The following CDH13 variants were observed in gnomAD, a reference collection of about 807,000 sequenced individuals.
CDH13 encodes cadherin-13.
CDH13 carries 24 observed loss-of-function variants against 63.8 expected under a neutral mutation model. That is an observed-to-expected ratio of 0.38 (90% CI 0.27 to 0.53). CDH13 has a LOEUF of 0.53. Among genes scored for constraint, CDH13 ranks in the 20% least tolerant of loss-of-function variants. The pLI is 0.85. For missense variants in CDH13, 1,049 were observed against 903.1 expected (o/e 1.16, Z -2.07); for synonymous variants, 503 against 355.3 (o/e 1.42, Z -4.67).
chr16:83,748,725 G>A (rs1178331450), intron 11 of CDH13, among the ~76,000 whole-genome samples: 1 of 152,168 alleles, frequency 6.6e-6, no homozygotes, highest in Non-Finnish European at 1.5e-5. Context: ...CAACCACAAA[G>A]CAATTGCTGT....
chr16:83,523,682 T>G (rs1007299519), intron 7 of CDH13, among the ~76,000 whole-genome samples: 5 of 152,202 alleles, frequency 3.3e-5, no homozygotes, highest in Non-Finnish European at 5.9e-5. Flanking sequence ...GGGCTCTTCC[T>G]AGCGCTCAGA....
At chr16:82,869,065 G>A (rs2040253246) in intron 2 of CDH13, among the ~76,000 whole-genome samples, 1 of 152,116 alleles carries the variant, frequency 6.6e-6, no homozygotes, top group Admixed American at 6.6e-5. Flanking sequence ...ATTATTATTT[G>A]AGATGGAGTC....
intron 1 of CDH13, among the ~76,000 whole-genome samples, chr16:82,659,824 T>C (rs1911725335): frequency 1.3e-5 from 2 of 152,254 alleles, no homozygotes; most frequent in African/African-American, 2.4e-5. Context: ...ATCCTGTGCA[T>C]GGCAGGATGT....
intron 1 of CDH13, among the ~76,000 whole-genome samples, chr16:82,713,736 C>A: frequency 6.7e-6 from 1 of 149,812 alleles, no homozygotes; most frequent in Middle Eastern, 3.5e-3. Context: ...GTGCATGTTT[C>A]ACCTAGGTCT....
intron 1 of CDH13, among the ~76,000 whole-genome samples, chr16:82,736,564 A>G (rs1404890274): frequency 1.3e-5 from 2 of 152,170 alleles, no homozygotes; most frequent in African/African-American, 4.8e-5. Flanking sequence ...TGCCTGGTAC[A>G]TATTAGGAAC....
intron 4 of CDH13, among the ~76,000 whole-genome samples, chr16:83,150,784 C>T (rs931873358): frequency 6.6e-6 from 1 of 152,176 alleles, no homozygotes; most frequent in Non-Finnish European, 1.5e-5. Flanking sequence ...ATGAGGAATG[C>T]TTGAGCTGGA....
chr16:83,482,186 G>T (rs2073785015), intron 6 of CDH13, among the ~76,000 whole-genome samples: 1 of 152,158 alleles, frequency 6.6e-6, no homozygotes, highest in African/African-American at 2.4e-5. Flanking sequence ...GTGGAATGAG[G>T]CAACACTACA....
At chr16:83,347,172 G>T (rs544059635) in intron 6 of CDH13, among the ~76,000 whole-genome samples, 193 of 152,222 alleles carry the variant, frequency 1.3e-3, no homozygotes, top group African/African-American at 4.5e-3. Context: ...TGAAGAAGAC[G>T]GTATCCTCTT....
rs2042342447 is a variant in CDH13 at position 82,927,538 on chromosome 16, T to G, written c.157+69065T>G. Among the ~76,000 whole-genome samples, 3 of 152,188 alleles carry G rather than the reference T, an allele frequency of 2.0e-5. No individual in the cohort carries two copies. In the South Asian group the frequency reaches 6.2e-4, roughly 32 times the overall value. Reference sequence around the variant, plus strand: ...TGTTAAATGTTCATATGTGCCATTTTCTCTTCCTATAACTATTTTTCTTCT... The same window carrying G: ...TGTTAAATGTTCATATGTGCCATTTGCTCTTCCTATAACTATTTTTCTTCT... On this transcript the variant is annotated intron_variant, in intron 2 of 13. Transcript: ENST00000567109.
At chr16:82,670,471 G>A (rs1913109270) in intron 1 of CDH13, among the ~76,000 whole-genome samples, 1 of 152,138 alleles carries the variant, frequency 6.6e-6, no homozygotes. Flanking sequence ...ATTAATAAAA[G>A]CTCACATGTA....
intron 6 of CDH13, among the ~76,000 whole-genome samples, chr16:83,406,110 G>A (rs542683142): frequency 6.6e-6 from 1 of 152,270 alleles, no homozygotes; most frequent in East Asian, 1.9e-4. Context: ...CCTCAGAGGT[G>A]ACCTCCAGCC....
intron 2 of CDH13, among the ~76,000 whole-genome samples, chr16:82,911,513 T>G (rs1379993372): frequency 6.6e-6 from 1 of 152,196 alleles, no homozygotes; most frequent in Non-Finnish European, 1.5e-5. Context: ...CTGTCCTGGT[T>G]AAATCCTTCC....
chr16:82,687,252 C>G (rs938955330), intron 1 of CDH13, among the ~76,000 whole-genome samples: 8 of 152,138 alleles, frequency 5.3e-5, no homozygotes, highest in Non-Finnish European at 1.0e-4. Flanking sequence ...GGGTTTAGCA[C>G]AAGGGGTAAC....
intron 6 of CDH13, among the ~76,000 whole-genome samples, chr16:83,405,942 G>A (rs143356330): frequency 2.6e-5 from 4 of 152,312 alleles, no homozygotes; most frequent in South Asian, 2.1e-4. Context: ...CAGCCAATGC[G>A]TTTGATGTCC....
intron 1 of CDH13, among the ~76,000 whole-genome samples, chr16:82,648,427 C>A (rs3852731): frequency 0.22 from 33,763 of 152,006 alleles, 5,136 homozygotes; most frequent in African/African-American, 0.43. Flanking sequence ...AGATTTCCAG[C>A]AAATGAAAAC....
rs189276331 is a variant in CDH13, at chr16:83,500,079, A to C, written c.960+13424A>C. 4.6e-5 allele frequency among the ~76,000 whole-genome samples: 7 copies of C among 152,002 alleles called. No homozygotes were observed. The East Asian group carries it at 1.4e-3, about 30-fold the overall frequency. On this transcript the variant is annotated intron_variant, in intron 7 of 13. Coordinates refer to ENST00000567109, the MANE Select transcript of CDH13 (RefSeq NM_001257.5). ...CGGCCTCCCAAAGCCCTGGGATTAC[A>C]GGTGTGAGCCACTGCACCCGGCCCA...
At chr16:82,967,555 G>A (rs895538274) in intron 2 of CDH13, among the ~76,000 whole-genome samples, 2 of 152,176 alleles carry the variant, frequency 1.3e-5, no homozygotes, top group Non-Finnish European at 2.9e-5. Context: ...GGCGTGGGAA[G>A]CCCACAGGAA....
At chr16:83,715,241 T>C (rs1908710320) in intron 10 of CDH13, among the ~76,000 whole-genome samples, 1 of 152,218 alleles carries the variant, frequency 6.6e-6, no homozygotes, top group Non-Finnish European at 1.5e-5. Flanking sequence ...GAGTTACTTA[T>C]GGCCAACGCA....
intron 3 of CDH13, among the ~76,000 whole-genome samples, chr16:83,109,757 G>C (rs895258820): frequency 2.0e-5 from 3 of 152,166 alleles, no homozygotes; most frequent in Non-Finnish European, 4.4e-5. Flanking sequence ...AGTAGCTATT[G>C]AACATGAATA....
Sources: gnomAD v4.1 joint callset for allele counts (sites outside exome capture counted in the v4.1 genomes callset) on GRCh38, gnomAD v4.1.1 for gene constraint, MANE v1.5 for transcripts, NCBI Gene and HGNC (gene_info 2026-07-23, HGNC 2026-07-21) for gene names.